TNPO1: variants seen among roughly 807,000 people sequenced by gnomAD.
TNPO1 encodes transportin-1.
In TNPO1, 8 loss-of-function variants were observed where a neutral mutation model predicts 119.5. The observed-to-expected ratio is 0.07, with a 90% CI of 0.04 to 0.12. The LOEUF (loss-of-function observed/expected upper bound fraction) is 0.12, where lower values mean the gene tolerates loss of function less well. Among genes scored for constraint, TNPO1 ranks in the 10% least tolerant of loss-of-function variants. TNPO1 has a pLI of 1.00. For synonymous variants in TNPO1, 362 were observed against 363.0 expected, an observed-to-expected ratio of 1.00 and a Z score of 0.03; for missense variants, 576 against 1,089.8, an observed-to-expected ratio of 0.53 and a Z score of 6.64.
rs116429912 is a variant in TNPO1, at chr5:72,905,910, A to C, written c.*35+465A>C. ...AGACTCCATCTCAAATAAATAGAAAATAAAATTACTCAAGTGAAGGCTAAA... is the reference window on the plus strand; with the variant it reads ...AGACTCCATCTCAAATAAATAGAAACTAAAATTACTCAAGTGAAGGCTAAA... On this transcript the variant is annotated intron_variant, in intron 24 of 24. Transcript: ENST00000337273. 5.0e-3 allele frequency among the ~76,000 whole-genome samples: 756 copies of C among 152,270 alleles called. 6 individuals carry two copies. Among genetic ancestry groups the C allele is most frequent in the African/African-American group, 0.018 (733 of 41,520 alleles).
At chr5:72,848,887 T>C (rs1745323464) in intron 2 of TNPO1, among the ~76,000 whole-genome samples, 1 of 151,228 alleles carries the variant, frequency 6.6e-6, no homozygotes. Flanking sequence ...GCCCACACAA[T>C]GCGCCCCGTG....
intron 1 of TNPO1, chr5:72,816,969 A>C: frequency 1.9e-6 from 1 of 516,590 alleles, no homozygotes; most frequent in South Asian, 2.9e-5. Context: ...GGAGCAGGCG[A>C]CGGCGGCTCC....
chr5:72,851,763 G>A (rs539056850), intron 3 of TNPO1, among the ~76,000 whole-genome samples: 2 of 152,182 alleles, frequency 1.3e-5, no homozygotes, highest in Non-Finnish European at 2.9e-5. Context: ...CAAAGTGCTC[G>A]GATTGCAGGT....
intron 20 of TNPO1, among the ~76,000 whole-genome samples, 170 bp from the exon 21 acceptor site, chr5:72,899,836 T>C (rs1026875048): frequency 4.6e-5 from 7 of 152,252 alleles, no homozygotes; most frequent in Admixed American, 2.6e-4. Flanking sequence ...TTTTAGGGGG[T>C]GGTAATAAAC....
intron 11 of TNPO1, among the ~76,000 whole-genome samples, chr5:72,885,649 G>T (rs1748566345): frequency 6.6e-6 from 1 of 151,346 alleles, no homozygotes; most frequent in Admixed American, 6.6e-5. Flanking sequence ...CTGTTTAGTT[G>T]TATGGCTCTA....
chr5:72,882,537 C>T lies in TNPO1; in HGVS notation c.981+10C>T. On this transcript the variant is annotated intron_variant, in intron 10 of 24. Coordinates refer to ENST00000337273, the MANE Select transcript of TNPO1 (RefSeq NM_002270.4). ...TATTATCCTACTTAAGGTAAGGAAG[C>T]TTTTTTGATGAATAGGGAACAAGAT... The T allele has an allele frequency of 6.3e-7, 1 of 1,595,484 alleles. No individual in the cohort carries two copies. Among genetic ancestry groups the T allele is most frequent in the Non-Finnish European group, 8.6e-7 (1 of 1,169,070 alleles).
In TNPO1 at chr5:72,909,020, C is replaced by G; in HGVS notation, c.*347C>G. ...AATATTATGGGGAATTGTACCAAAA[C>G]AAGAACCATATAAATGATGCCTAGG... On this transcript the variant is annotated 3_prime_UTR_variant, in exon 25 of 25. Coordinates refer to ENST00000337273, the MANE Select transcript of TNPO1 (RefSeq NM_002270.4). The G allele has an allele frequency of 2.9e-6, 1 of 340,872 alleles. No homozygotes were observed. The allele number at this position is 340,872 out of a possible 1,614,324, so 21.1% of individuals were successfully genotyped here. A position where few individuals can be genotyped will look rare whatever the true frequency, so the allele number is the denominator to read the frequency against.
At chr5:72,858,938 A>T in intron 4 of TNPO1, among the ~76,000 whole-genome samples, 1 of 150,090 alleles carries the variant, frequency 6.7e-6, no homozygotes. Flanking sequence ...GGTGCTTTCC[A>T]ACAAATCTGG....
intron 21 of TNPO1, 50 bp from the exon 22 acceptor site, chr5:72,900,924 T>C (rs72764822): frequency 0.016 from 20,861 of 1,285,436 alleles, 224 homozygotes; most frequent in Non-Finnish European, 0.019. Context: ...AGTATTGTCA[T>C]TGAATCTGCT....
intron 6 of TNPO1, among the ~76,000 whole-genome samples, chr5:72,868,971 G>A (rs1478072654): frequency 6.6e-6 from 1 of 152,056 alleles, no homozygotes; most frequent in African/African-American, 2.4e-5. Context: ...TCGTGCCATT[G>A]CAACTCCAGC....
rs1343869106 is a variant in TNPO1 at position 72,893,626 on chromosome 5, C to G, written c.2066C>G (p.Pro689Arg). The G allele has an allele frequency of 6.2e-7, 1 of 1,614,178 alleles. No individual in the cohort carries two copies. Among genetic ancestry groups the G allele is most frequent in the East Asian group, 2.2e-5 (1 of 44,882 alleles). The change falls in exon 18 of 25, where the codon CCA becomes CGA. Residue 689 changes from proline (P) to arginine (R), a missense_variant. Pro to Arg is a moderately radical substitution (Grantham distance 103, BLOSUM62 -2). Transcript: ENST00000337273. ...LMYQCMQDKM[P>R]EVRQSSFALL... is the part of the protein sequence containing the mutation. ...TCTTATTTCTTGTAGGATAAAATGC[C>G]AGAAGTTCGACAGAGTTCTTTTGCC...
Position 72,849,961 on chromosome 5 carries a change from G to T in TNPO1, c.130-1283G>T, listed in dbSNP as rs925894169. 1.2e-4 allele frequency among the ~76,000 whole-genome samples: 18 copies of T among 152,212 alleles called. No homozygotes were observed. In the South Asian group the frequency reaches 2.1e-3, roughly 18 times the overall value. On this transcript the variant is annotated intron_variant, in intron 2 of 24. Coordinates refer to ENST00000337273, the MANE Select transcript of TNPO1 (RefSeq NM_002270.4). ...TCTTGTTTTAGTCTACATTTATTAGGTACCTCATAAATGCTTAGTACCGTG... is the reference window on the plus strand; with the variant it reads ...TCTTGTTTTAGTCTACATTTATTAGTTACCTCATAAATGCTTAGTACCGTG...
intron 13 of TNPO1, 134 bp downstream of exon 13, chr5:72,888,437 T>G: frequency 1.3e-6 from 1 of 782,654 alleles, no homozygotes; most frequent in Non-Finnish European, 2.0e-6. Flanking sequence ...ATCAGAAAGC[T>G]TAGTTTTCTT....
At position 72,855,748 on chromosome 5, in the gene TNPO1, T is replaced by G. The variant is rs373358515; in HGVS notation, c.206-26T>G. On this transcript the variant is annotated intron_variant, in intron 3 of 24. Transcript: ENST00000337273. Reference sequence around the variant, plus strand: ...TTTGAAATTAAGACTACTTCAAAACTCATTACTATTACTATTTTATTACAG... The same window carrying G: ...TTTGAAATTAAGACTACTTCAAAACGCATTACTATTACTATTTTATTACAG... 3.4e-5 allele frequency: 53 copies of G among 1,562,378 alleles called. No individual in the cohort carries two copies. The highest frequency in any genetic ancestry group is 3.2e-4 in the East Asian group (14 of 44,188).
chr5:72,834,450 T>C (rs1744605026), intron 1 of TNPO1, among the ~76,000 whole-genome samples: 1 of 152,370 alleles, frequency 6.6e-6, no homozygotes, highest in East Asian at 1.9e-4. Context: ...GACAGTGGCA[T>C]TGATGACACT....
intron 11 of TNPO1, among the ~76,000 whole-genome samples, chr5:72,885,606 G>A (rs542283992): frequency 6.6e-6 from 1 of 152,136 alleles, no homozygotes; most frequent in Admixed American, 6.5e-5. Context: ...AGTACATACA[G>A]ATTTAGATTT....
intron 1 of TNPO1, chr5:72,848,051 A>T: frequency 9.5e-7 from 1 of 1,053,124 alleles, no homozygotes; most frequent in South Asian, 3.5e-5. Context: ...GGGTTGGAGA[A>T]AACTGCGTGG....
chr5:72,823,556 C>A (rs762702798), intron 1 of TNPO1, among the ~76,000 whole-genome samples: 1 of 152,214 alleles, frequency 6.6e-6, no homozygotes, highest in African/African-American at 2.4e-5. Context: ...CTTCTGACCC[C>A]AATGGAATCT....
At chr5:72,886,271 G>A (rs575526951) in intron 11 of TNPO1, among the ~76,000 whole-genome samples, 2 of 152,254 alleles carry the variant, frequency 1.3e-5, no homozygotes, top group South Asian at 2.1e-4. Context: ...TCTAGCATGC[G>A]TTATGTTTCA....
Sources: allele counts gnomAD v4.1 joint callset (sites outside exome capture counted in the v4.1 genomes callset), GRCh38; gene constraint gnomAD v4.1.1; transcripts MANE v1.5; gene names NCBI Gene and HGNC (gene_info 2026-07-23, HGNC 2026-07-21).